CLEC16A: variants seen among roughly 807,000 people sequenced by gnomAD.
CLEC16A encodes C-type lectin domain containing 16A, also known as protein CLEC16A.
In CLEC16A, 51 loss-of-function variants were observed where a neutral mutation model predicts 109.5. The observed-to-expected ratio is 0.47, with a 90% CI of 0.37 to 0.59. The LOEUF (loss-of-function observed/expected upper bound fraction) is 0.59, where lower values mean the gene tolerates loss of function less well. Ranked by LOEUF, CLEC16A falls within the 20% of genes least tolerant of loss-of-function variation. CLEC16A has a pLI of 0.00. For synonymous variants in CLEC16A, 673 were observed against 564.2 expected (o/e 1.19, Z -2.73); for missense variants, 1,339 against 1,394.0 (o/e 0.96, Z 0.63).
At chr16:11,088,566 G>T (rs535675128) in intron 19 of CLEC16A, among the ~76,000 whole-genome samples, 154 of 152,302 alleles carry the variant, frequency 1.0e-3, no homozygotes, top group African/African-American at 3.6e-3. Flanking sequence ...TCAGGGAGTG[G>T]GATTTGTGCC....
At chr16:10,972,222 C>T (rs1028830086) in intron 5 of CLEC16A, among the ~76,000 whole-genome samples, 1 of 152,244 alleles carries the variant, frequency 6.6e-6, no homozygotes, top group African/African-American at 2.4e-5. Flanking sequence ...TCAAGGCCCA[C>T]AGTCCTGCAG....
intron 2 of CLEC16A, among the ~76,000 whole-genome samples, chr16:10,962,124 C>A (rs1368758041): frequency 6.6e-6 from 1 of 151,188 alleles, no homozygotes; most frequent in African/African-American, 2.4e-5. Context: ...TTTTTTTTTT[C>A]TTCTCTGTAG....
At chr16:11,022,819 A>T (rs2152807570) in intron 12 of CLEC16A, among the ~76,000 whole-genome samples, 1 of 151,718 alleles carries the variant, frequency 6.6e-6, no homozygotes, top group South Asian at 2.1e-4. Context: ...GAATGGCGTG[A>T]ACCCGGGAGG....
intron 11 of CLEC16A, among the ~76,000 whole-genome samples, chr16:11,018,316 G>C (rs1215467450): frequency 1.3e-5 from 2 of 151,746 alleles, no homozygotes; most frequent in Admixed American, 1.3e-4. Context: ...CAGGTGAAGA[G>C]GGCGTCCAGG....
At position 10,954,363 on chromosome 16, in the gene CLEC16A, A is replaced by G. The variant is rs1338353501; in HGVS notation, c.81-3419A>G. Among the ~76,000 whole-genome samples, 1 of 152,148 alleles carries G rather than the reference A, an allele frequency of 6.6e-6. No individual in the cohort carries two copies. The highest frequency in any genetic ancestry group is 1.5e-5 in the Non-Finnish European group (1 of 68,022). ...TGGGGGCTCCTAGAATCTTTTTTTCAGGACTTACCGCCCTGCCCTCTCTGC... is the reference window on the plus strand; with the variant it reads ...TGGGGGCTCCTAGAATCTTTTTTTCGGGACTTACCGCCCTGCCCTCTCTGC... On this transcript the variant is annotated intron_variant, in intron 1 of 23. Coordinates refer to ENST00000409790, the MANE Select transcript of CLEC16A (RefSeq NM_015226.3). The surrounding 1 kb of genome is among the most constrained non-coding windows in gnomAD (Gnocchi z 4.2).
chr16:11,172,346 A>G (rs769194943), intron 23 of CLEC16A, among the ~76,000 whole-genome samples: 2 of 152,212 alleles, frequency 1.3e-5, no homozygotes, highest in Non-Finnish European at 2.9e-5. Context: ...ACACACTCTG[A>G]GTGAGATGCC....
intron 19 of CLEC16A, among the ~76,000 whole-genome samples, chr16:11,096,591 A>G (rs1441738232): frequency 6.6e-6 from 1 of 152,162 alleles, no homozygotes; most frequent in Non-Finnish European, 1.5e-5. Flanking sequence ...ACCATACCAT[A>G]CCCCAAAGAT....
intron 19 of CLEC16A, among the ~76,000 whole-genome samples, chr16:11,093,898 G>C (rs2050455060): frequency 6.6e-6 from 1 of 152,174 alleles, no homozygotes; most frequent in African/African-American, 2.4e-5. Flanking sequence ...CACCCCAGGT[G>C]AGAGGACAGT....
At chr16:10,983,947 G>A (rs574903222) in intron 10 of CLEC16A, among the ~76,000 whole-genome samples, 62 of 148,156 alleles carry the variant, frequency 4.2e-4, no homozygotes, top group African/African-American at 1.3e-3. Flanking sequence ...TCACTTATGC[G>A]GAGCCCAGGC....
chr16:10,957,353 C>G (rs1596737421), intron 1 of CLEC16A, among the ~76,000 whole-genome samples: 1 of 152,256 alleles, frequency 6.6e-6, no homozygotes, highest in East Asian at 1.9e-4. Flanking sequence ...TGTTAGGCAT[C>G]CAGCCTGAGC....
intron 19 of CLEC16A, among the ~76,000 whole-genome samples, chr16:11,112,084 T>A (rs764809180): frequency 1.2e-4 from 18 of 151,926 alleles, no homozygotes; most frequent in Non-Finnish European, 2.4e-4. Context: ...TCACAAGGAG[T>A]GTCTCAGTGC....
chr16:11,148,999 T>C (rs2054185085), intron 22 of CLEC16A, among the ~76,000 whole-genome samples: 2 of 152,090 alleles, frequency 1.3e-5, no homozygotes, highest in African/African-American at 4.8e-5. Flanking sequence ...CGGAAAGGGA[T>C]ACAAGTTCAA....
chr16:11,125,999 C>T lies in CLEC16A; in HGVS notation c.2494C>T (p.Gln832Ter). 2 of 1,611,922 alleles carry T rather than the reference C, an allele frequency of 1.2e-6. No individual in the cohort carries two copies. The highest frequency in any genetic ancestry group is 1.7e-6 in the Non-Finnish European group (2 of 1,179,414). The change falls in exon 22 of 24, where the codon CAG (glutamine) becomes TAG (stop). Residue 832 changes from glutamine to a stop codon, truncating the protein, a stop_gained. Transcript: ENST00000409790. LOFTEE classifies it high-confidence loss of function. ...CGTAGCCCTCCTGGACCTCCCAATC[C>T]AGCCCACCACTGAAGTCCTGGGGTT... The part of the protein sequence containing the change: ...RIAALLDLPI[Q>*]PTTEVLGFGL...
chr16:11,076,506 G>T (rs1044905994), intron 19 of CLEC16A, among the ~76,000 whole-genome samples: 11 of 152,102 alleles, frequency 7.2e-5, no homozygotes, highest in African/African-American at 2.7e-4. Context: ...CCTACACACA[G>T]CTCCTCACCC....
At chr16:11,046,620 A>G (rs970477688) in intron 16 of CLEC16A, among the ~76,000 whole-genome samples, 18 of 152,150 alleles carry the variant, frequency 1.2e-4, no homozygotes, top group African/African-American at 4.8e-5. Context: ...CTCGCATTTC[A>G]TGTGCATTAA....
chr16:11,015,072 G>A (rs564844254), intron 11 of CLEC16A, among the ~76,000 whole-genome samples: 2 of 152,110 alleles, frequency 1.3e-5, no homozygotes, highest in Non-Finnish European at 1.5e-5. Flanking sequence ...GACCTATAAG[G>A]GTTGTTTCAG....
intron 19 of CLEC16A, among the ~76,000 whole-genome samples, chr16:11,089,855 C>A (rs1163692216): frequency 6.6e-6 from 1 of 152,242 alleles, no homozygotes; most frequent in South Asian, 2.1e-4. Context: ...CCAAACCAGT[C>A]AACCCTGTGC....
At chr16:11,107,728 C>T (rs1257739522) in intron 19 of CLEC16A, among the ~76,000 whole-genome samples, 1 of 152,250 alleles carries the variant, frequency 6.6e-6, no homozygotes, top group Non-Finnish European at 1.5e-5. Context: ...TGGGCTTACA[C>T]TGGAATCAGC....
rs1485783892 is a variant in CLEC16A, at chr16:11,155,284, C to G, written c.2642-11104C>G. Among the ~76,000 whole-genome samples, 3 of 152,352 alleles carry G rather than the reference C, an allele frequency of 2.0e-5. No individual in the cohort carries two copies. The East Asian group carries it at 5.8e-4, about 29-fold the overall frequency. ...AACCCTGTAAGGTGTGGTGGTGTCA[C>G]TCTGCTTTAGAGTGACAACAGTGCT... On this transcript the variant is annotated intron_variant, in intron 22 of 23. Transcript: ENST00000409790.
Sources: allele counts gnomAD v4.1 joint callset (sites outside exome capture counted in the v4.1 genomes callset), GRCh38; gene constraint gnomAD v4.1.1; non-coding constraint Gnocchi (gnomAD v3.1); transcripts MANE v1.5; gene names NCBI Gene and HGNC (gene_info 2026-07-23, HGNC 2026-07-21).